The following ROBO2 variants were observed in gnomAD, a reference collection of about 807,000 sequenced individuals.
ROBO2 encodes the protein roundabout guidance receptor 2, also known as roundabout homolog 2.
Under a neutral mutation model 160.8 loss-of-function variants are expected in ROBO2, and 53 were observed. That is an observed-to-expected ratio of 0.33 (90% confidence interval 0.26 to 0.41). The LOEUF (loss-of-function observed/expected upper bound fraction) is 0.41. Ranked by LOEUF, ROBO2 falls within the 10% of genes least tolerant of loss-of-function variation. The probability of loss-of-function intolerance (pLI) is 1.00; values close to 1 mark genes in which losing one functional copy is unlikely to be tolerated. For synonymous variants in ROBO2, 664 were observed against 611.7 expected, an observed-to-expected ratio of 1.09 and a Z score of -1.26; for missense variants, 1,577 against 1,722.4, an observed-to-expected ratio of 0.92 and a Z score of 1.49.
chr3:77,141,420 C>T (rs2076693511), intron 2 of ROBO2, among the ~76,000 whole-genome samples: 1 of 152,158 alleles, frequency 6.6e-6, no homozygotes, highest in African/African-American at 2.4e-5. Context: ...TTGTCTTCTG[C>T]TCTGGTCCAT....
chr3:76,865,934 A>G lies in ROBO2; in HGVS notation c.110-232080A>G, dbSNP rs1194792604. 5.3e-5 allele frequency among the ~76,000 whole-genome samples: 8 copies of G among 152,228 alleles called. No individual in the cohort carries two copies. In the South Asian group the frequency reaches 1.7e-3, roughly 32 times the overall value. ...TAGGTACTTCAGCATGATTTTATTA[A>G]TTTAGACATAAAAATCGAGCTACTT... On this transcript the variant is annotated intron_variant, in intron 2 of 26. Coordinates refer to the ROBO2 transcript ENST00000487694.
At chr3:76,913,586 A>AT (rs982807322) in intron 2 of ROBO2, among the ~76,000 whole-genome samples, 7 of 152,276 alleles carry the variant, frequency 4.6e-5, no homozygotes, top group South Asian at 2.1e-4. Context: ...AAAACCTAAG[A>AT]TTTTTTTAAG....
intron 2 of ROBO2, among the ~76,000 whole-genome samples, chr3:77,198,671 T>A (rs1012443248): frequency 2.6e-5 from 4 of 152,124 alleles, no homozygotes; most frequent in Non-Finnish European, 5.9e-5. Context: ...GAGGCCCAGG[T>A]GGGCGGATCA....
At chr3:76,283,136 G>GTGTATATATATATATATATATA (rs1553695787) in intron 2 of ROBO2, among the ~76,000 whole-genome samples, 11 of 63,538 alleles carry the variant, frequency 1.7e-4, no homozygotes, top group East Asian at 7.8e-4. Flanking sequence ...ATATAAAACT[G>GTGTATATATATATATATATATA]TATATATATA....
At chr3:77,405,515 A>C (rs1213258481) in intron 2 of ROBO2, among the ~76,000 whole-genome samples, 6 of 152,094 alleles carry the variant, frequency 3.9e-5, no homozygotes, top group Non-Finnish European at 7.4e-5. Context: ...GTTCTGCCCT[A>C]AATATAACTT....
intron 1 of ROBO2, among the ~76,000 whole-genome samples, chr3:75,925,840 A>G (rs1947272445): frequency 6.6e-6 from 1 of 152,178 alleles, no homozygotes; most frequent in Non-Finnish European, 1.5e-5. Flanking sequence ...GAAAAATTGG[A>G]GATAGTTGAT....
chr3:76,609,250 T>C lies in ROBO2; in HGVS notation c.110-488764T>C, dbSNP rs199612715. ...GTTTTTATACCAGTTCCATGCTGTTTTGGTTATTATACCTTTGTAGTATAA... is the reference window on the plus strand; with the variant it reads ...GTTTTTATACCAGTTCCATGCTGTTCTGGTTATTATACCTTTGTAGTATAA... On this transcript the variant is annotated intron_variant, in intron 2 of 26. Transcript: ENST00000487694. Among the ~76,000 whole-genome samples the C allele has an allele frequency of 2.2e-4, 34 of 152,356 alleles. No individual in the cohort carries two copies. In the East Asian group the frequency reaches 6.6e-3, roughly 29 times the overall value.
chr3:76,930,106 C>T (rs2077241723), intron 2 of ROBO2, among the ~76,000 whole-genome samples: 1 of 152,144 alleles, frequency 6.6e-6, no homozygotes, highest in African/African-American at 2.4e-5. Flanking sequence ...TCACTACAAT[C>T]TCTGCCTTTT....
At chr3:77,231,408 A>C (rs958594230) in intron 2 of ROBO2, among the ~76,000 whole-genome samples, 3 of 151,446 alleles carry the variant, frequency 2.0e-5, no homozygotes, top group African/African-American at 4.9e-5. Flanking sequence ...AAAGACACTA[A>C]GCTAAAATAA....
At chr3:76,372,581 C>T (rs570832203) in intron 2 of ROBO2, among the ~76,000 whole-genome samples, 1 of 151,880 alleles carries the variant, frequency 6.6e-6, no homozygotes, top group Non-Finnish European at 1.5e-5. Context: ...TCTTCTACTT[C>T]GGGTTAGCTG....
At chr3:77,068,305 A>T (rs1310091595) in intron 1 of ROBO2, among the ~76,000 whole-genome samples, 1 of 152,104 alleles carries the variant, frequency 6.6e-6, no homozygotes, top group Non-Finnish European at 1.5e-5. Context: ...TATGTGTTTG[A>T]AAGGAAATAA....
chr3:76,341,571 A>G (rs572639466), intron 2 of ROBO2, among the ~76,000 whole-genome samples: 3 of 151,740 alleles, frequency 2.0e-5, no homozygotes, highest in African/African-American at 7.2e-5. Context: ...GATCATTTAC[A>G]TTAGGCCAAC....
intron 2 of ROBO2, among the ~76,000 whole-genome samples, chr3:76,214,663 G>C (rs1336566643): frequency 1.3e-5 from 2 of 152,358 alleles, no homozygotes; most frequent in East Asian, 3.9e-4. Flanking sequence ...AAAGCAGCCA[G>C]GAAGCTTGAA....
At chr3:76,871,227 G>T (rs1317397613) in intron 2 of ROBO2, among the ~76,000 whole-genome samples, 1 of 152,172 alleles carries the variant, frequency 6.6e-6, no homozygotes, top group African/African-American at 2.4e-5. Context: ...ACTTTGTGAA[G>T]ATTTGACTAA....
At chr3:76,712,561 G>A (rs2093315331) in intron 2 of ROBO2, among the ~76,000 whole-genome samples, 1 of 152,024 alleles carries the variant, frequency 6.6e-6, no homozygotes, top group Non-Finnish European at 1.5e-5. Context: ...TGTAATCCCA[G>A]GTACTTGGAA....
At chr3:77,236,995 A>G (rs1196775522) in intron 2 of ROBO2, among the ~76,000 whole-genome samples, 1 of 151,882 alleles carries the variant, frequency 6.6e-6, no homozygotes, top group Non-Finnish European at 1.5e-5. Context: ...AACTCCAGAC[A>G]CTGGAGTAGC....
At chr3:77,141,509 G>T (rs1006485147) in intron 2 of ROBO2, among the ~76,000 whole-genome samples, 1 of 152,098 alleles carries the variant, frequency 6.6e-6, no homozygotes, top group Non-Finnish European at 1.5e-5. Flanking sequence ...AAATGCACAG[G>T]TGTTTTCTCA....
rs144467890 is a variant in ROBO2 at position 76,478,850 on chromosome 3, G to A, written c.109+541248G>A. 9.9e-4 allele frequency among the ~76,000 whole-genome samples: 150 copies of A among 151,938 alleles called. 1 individual carries two copies. Among genetic ancestry groups the A allele is most frequent in the Non-Finnish European group, 1.9e-3 (128 of 67,926 alleles). On this transcript the variant is annotated intron_variant, in intron 2 of 26. Transcript: ENST00000487694. Reference sequence around the variant, plus strand: ...ACCTCATCTGGCTAATTTATTTTCTGTAGAGTTGGGGTCTCCCTATGTTGC... The same window carrying A: ...ACCTCATCTGGCTAATTTATTTTCTATAGAGTTGGGGTCTCCCTATGTTGC...
chr3:76,911,267 A>G (rs1055429215), intron 2 of ROBO2, among the ~76,000 whole-genome samples: 1 of 152,230 alleles, frequency 6.6e-6, no homozygotes, highest in African/African-American at 2.4e-5. Context: ...TTGATCTGAC[A>G]TAACCTTTCC....
Sources: allele counts gnomAD v4.1 joint callset (sites outside exome capture counted in the v4.1 genomes callset), GRCh38; gene constraint gnomAD v4.1.1; transcripts MANE v1.5; gene names NCBI Gene and HGNC (gene_info 2026-07-23, HGNC 2026-07-21).